Variants in KIF16B observed in about 807,000 individuals in gnomAD.
KIF16B encodes kinesin-like protein KIF16B.
A neutral mutation model predicts 156.3 loss-of-function variants in KIF16B; 98 were observed. That is an observed-to-expected ratio of 0.63 (90% CI 0.53 to 0.74). KIF16B has a LOEUF of 0.74. KIF16B is among the 30% of genes least tolerant of loss of function. The pLI, the probability that KIF16B is intolerant of heterozygous loss-of-function variation, is 0.00. For missense variants in KIF16B, 1,421 were observed against 1,606.5 expected, an observed-to-expected ratio of 0.88 and a Z score of 1.97; for synonymous variants, 564 against 583.7, an observed-to-expected ratio of 0.97 and a Z score of 0.49.
intron 5 of KIF16B, among the ~76,000 whole-genome samples, chr20:16,512,453 A>G (rs554207361): frequency 6.6e-6 from 1 of 152,298 alleles, no homozygotes; most frequent in South Asian, 2.1e-4. Context: ...TTACTTGTAG[A>G]TTAGATTTAT....
In KIF16B at chr20:16,494,992, T is replaced by C. The variant is rs536381641; in HGVS notation, c.1243-642A>G. On this transcript the variant is annotated intron_variant, in intron 11 of 25. Coordinates refer to ENST00000354981, the MANE Select transcript of KIF16B (RefSeq NM_024704.5). ...CGCTGAACACAGCACAGTTGGAAAT[T>C]GCTTCTCAAAGTTAATGGTAATGTT... Among the ~76,000 whole-genome samples the C allele has an allele frequency of 4.7e-4, 71 of 152,340 alleles. 1 individual carries two copies. The highest frequency in any genetic ancestry group is 6.2e-4 in the South Asian group (3 of 4,830).
chr20:16,319,308 TA>T (rs1262155668), intron 24 of KIF16B, among the ~76,000 whole-genome samples: 2 of 152,212 alleles, frequency 1.3e-5, no homozygotes, highest in African/African-American at 4.8e-5. Flanking sequence ...ATGTTAATAC[TA>T]GGGGAAACTG....
chr20:16,345,967 C>T (rs376474682), intron 23 of KIF16B, among the ~76,000 whole-genome samples: 1 of 152,200 alleles, frequency 6.6e-6, no homozygotes, highest in Non-Finnish European at 1.5e-5. Context: ...TTCTGGGGAG[C>T]CCAAAGGAGG....
intron 18 of KIF16B, 151 bp downstream of exon 18, chr20:16,381,543 A>G (rs2065096230): frequency 2.3e-6 from 1 of 436,746 alleles, no homozygotes; most frequent in Non-Finnish European, 3.9e-6. Context: ...AAAAAAAAAA[A>G]AGACCTGCAG....
intron 17 of KIF16B, among the ~76,000 whole-genome samples, chr20:16,387,978 CAG>C (rs891507260): frequency 3.3e-5 from 5 of 152,316 alleles, no homozygotes; most frequent in Admixed American, 1.3e-4. Context: ...AGTCAGAAAT[CAG>C]AGAGAGATTC....
chr20:16,523,921 G>C (rs995996090), intron 3 of KIF16B, among the ~76,000 whole-genome samples: 1 of 152,140 alleles, frequency 6.6e-6, no homozygotes, highest in Non-Finnish European at 1.5e-5. Context: ...ACAAGCAATG[G>C]GGAAAGGATT....
intron 12 of KIF16B, among the ~76,000 whole-genome samples, chr20:16,456,548 C>A (rs1164970974): frequency 6.6e-6 from 1 of 152,048 alleles, no homozygotes; most frequent in East Asian, 1.9e-4. Flanking sequence ...ACCCTCTGAG[C>A]CCCAAAGAGG....
At chr20:16,327,072 C>G (rs2063866459) in intron 24 of KIF16B, among the ~76,000 whole-genome samples, 2 of 92,218 alleles carry the variant, frequency 2.2e-5, no homozygotes, top group Admixed American at 1.1e-4. Context: ...TACATGTACA[C>G]ACACACACAC....
chr20:16,367,327 T>G, intron 22 of KIF16B: 2 of 1,612,914 alleles, frequency 1.2e-6, no homozygotes, highest in South Asian at 2.2e-5. Flanking sequence ...CACTGAAGGT[T>G]TGAGTTTCTG....
In KIF16B at chr20:16,521,064, A is replaced by C. The variant is rs1023164789; in HGVS notation, c.231+5028T>G. Among the ~76,000 whole-genome samples the C allele has an allele frequency of 1.2e-4, 18 of 152,140 alleles. 1 individual carries two copies. Among genetic ancestry groups the C allele is most frequent in the African/African-American group, 3.4e-4 (14 of 41,514 alleles). ...GATAAATCCACGAAGATGAGGAAAAACCAGTGCAAAAAGGCTGAAAATTCC... is the reference window on the plus strand; with the variant it reads ...GATAAATCCACGAAGATGAGGAAAACCCAGTGCAAAAAGGCTGAAAATTCC... On this transcript the variant is annotated intron_variant, in intron 3 of 25. Transcript: ENST00000354981.
intron 22 of KIF16B, chr20:16,368,933 C>A (rs1459567061): frequency 5.1e-6 from 5 of 985,718 alleles, no homozygotes; most frequent in African/African-American, 1.7e-5. Flanking sequence ...CTCTGAAAAT[C>A]TTCTGCATCA....
At chr20:16,509,246 C>T (rs917180862) in intron 6 of KIF16B, among the ~76,000 whole-genome samples, 3 of 152,186 alleles carry the variant, frequency 2.0e-5, no homozygotes, top group African/African-American at 7.2e-5. Context: ...GAGACTACAG[C>T]AGTTGTTCAT....
At chr20:16,352,748 C>T (rs967100534) in intron 23 of KIF16B, among the ~76,000 whole-genome samples, 15 of 152,288 alleles carry the variant, frequency 9.8e-5, no homozygotes, top group African/African-American at 3.4e-4. Context: ...GTGAGGAGGG[C>T]GAGGGGAAGA....
intron 19 of KIF16B, among the ~76,000 whole-genome samples, chr20:16,374,740 A>T (rs538038437): frequency 5.3e-5 from 8 of 152,334 alleles, no homozygotes; most frequent in Admixed American, 5.2e-4. Context: ...CTTCAAAAAG[A>T]GTTGGTTGTG....
chr20:16,291,112 TA>T (rs2063308597), intron 25 of KIF16B, among the ~76,000 whole-genome samples: 2 of 152,226 alleles, frequency 1.3e-5, no homozygotes, highest in African/African-American at 4.8e-5. Flanking sequence ...TGAATAGCTA[TA>T]GGCAATGCTG....
Position 16,294,186 on chromosome 20 carries a change from A to T in KIF16B, c.3795+18149T>A, listed in dbSNP as rs6111023. Among the ~76,000 whole-genome samples, 577 of 152,302 alleles carry T rather than the reference A, an allele frequency of 3.8e-3. 3 individuals are homozygous for T. Among genetic ancestry groups the T allele is most frequent in the African/African-American group, 0.014 (564 of 41,560 alleles). On this transcript the variant is annotated intron_variant, in intron 25 of 25. Transcript: ENST00000354981. ...TTTAAAAATGTCACTAAAATTGCAT[A>T]TACACACAAAACAGCAATAAGTGTA... is the stretch of plus-strand genomic sequence containing the variant.
At chr20:16,498,070 T>C (rs2068504919) in intron 10 of KIF16B, among the ~76,000 whole-genome samples, 1 of 152,202 alleles carries the variant, frequency 6.6e-6, no homozygotes, top group South Asian at 2.1e-4. Flanking sequence ...TGAGATTTGC[T>C]CTTACTGATA....
intron 22 of KIF16B, among the ~76,000 whole-genome samples, chr20:16,363,839 TG>T (rs1159733600): frequency 6.6e-6 from 1 of 152,050 alleles, no homozygotes; most frequent in Non-Finnish European, 1.5e-5. Flanking sequence ...CACTGAAATT[TG>T]GGGGGGTTGT....
intron 25 of KIF16B, among the ~76,000 whole-genome samples, chr20:16,295,318 T>C (rs971024776): frequency 3.9e-5 from 6 of 152,274 alleles, no homozygotes; most frequent in African/African-American, 1.4e-4. Context: ...GGAACTTCTT[T>C]TATGTTTTTA....
Sources: allele counts gnomAD v4.1 joint callset (sites outside exome capture counted in the v4.1 genomes callset), GRCh38; gene constraint gnomAD v4.1.1; transcripts MANE v1.5; gene names NCBI Gene and HGNC (gene_info 2026-07-23, HGNC 2026-07-21).